Variants in GCKR observed in about 807,000 individuals in gnomAD.
GCKR encodes glucokinase regulatory protein.
Under a neutral mutation model 82.9 loss-of-function variants are expected in GCKR, and 73 were observed. That is an observed-to-expected ratio of 0.88 (90% CI 0.73 to 1.07). The LOEUF (loss-of-function observed/expected upper bound fraction) is 1.07, where lower values mean the gene tolerates loss of function less well. GCKR is among the 50% of genes least tolerant of loss of function. The pLI is 0.00. For missense variants in GCKR, 784 were observed against 782.1 expected (o/e 1.00, Z -0.03); for synonymous variants, 294 against 291.8 (o/e 1.01, Z -0.08).
intron 16 of GCKR, among the ~76,000 whole-genome samples, chr2:27,511,062 C>G (rs1298744037): frequency 6.6e-6 from 1 of 152,078 alleles, no homozygotes; most frequent in African/African-American, 2.4e-5. Flanking sequence ...GAGTCTCGCT[C>G]TGTGGCCCAG....
chr2:27,505,981 T>C lies in GCKR; in HGVS notation c.869+145T>C, dbSNP rs950326416. On this transcript the variant is annotated intron_variant, in intron 10 of 18. Transcript: ENST00000264717. ...CGCCTCCCCTGGGAAGGGAGCTGGG[T>C]AGTACATGCTGTTGCTCCCACCTCA... 17 of 733,212 alleles carry C rather than the reference T, an allele frequency of 2.3e-5. No individual in the cohort carries two copies. In the East Asian group the frequency reaches 3.8e-4, roughly 16 times the overall value. 45.4% of individuals were successfully genotyped at this position (733,212 alleles called of 1,614,324 possible).
intron 9 of GCKR, among the ~76,000 whole-genome samples, 187 bp downstream of exon 9, chr2:27,503,806 G>C (rs1285793672): frequency 6.6e-6 from 1 of 152,058 alleles, no homozygotes; most frequent in African/African-American, 2.4e-5. Flanking sequence ...AAGATATTTC[G>C]TCTTCATTCC....
intron 10 of GCKR, 121 bp downstream of exon 10, chr2:27,505,957 G>C (rs765705352): frequency 1.1e-5 from 8 of 752,554 alleles, no homozygotes; most frequent in Non-Finnish European, 2.0e-5. Flanking sequence ...AGCCCACCAC[G>C]CCTCCCCTGG....
intron 18 of GCKR, among the ~76,000 whole-genome samples, chr2:27,522,925 T>C (rs1434513780): frequency 6.6e-6 from 1 of 151,228 alleles, no homozygotes; most frequent in East Asian, 1.9e-4. Flanking sequence ...AGAGAGAGTC[T>C]TGCTCTGTCA....
rs755995385 is a variant in GCKR at position 27,497,554 on chromosome 2, C to T, written c.217-8C>T. 1.0e-4 allele frequency: 165 copies of T among 1,608,606 alleles called. 1 individual carries two copies. In the East Asian group the frequency reaches 2.3e-3, roughly 22 times the overall value. ...TCTTGGCTTCTCATTCCTGCATATT[C>T]CCTACAGAGACTCTACAGCGAATCC... On this transcript the variant is annotated splice_region_variant and splice_polypyrimidine_tract_variant and intron_variant, in intron 2 of 18. Coordinates refer to ENST00000264717, the MANE Select transcript of GCKR (RefSeq NM_001486.4).
intron 17 of GCKR, among the ~76,000 whole-genome samples, chr2:27,520,598 T>C (rs922633072): frequency 1.3e-5 from 2 of 152,276 alleles, no homozygotes; most frequent in Admixed American, 6.5e-5. Context: ...TATTGAGCAC[T>C]TGAAATGTGG....
chr2:27,507,804 G>A, intron 14 of GCKR, 27 bp downstream of exon 14: 1 of 1,333,506 alleles, frequency 7.5e-7, no homozygotes, highest in Non-Finnish European at 1.1e-6. Context: ...GAGTGGTGAG[G>A]GGTGGGGAGG....
chr2:27,508,665 A>G (rs1301846975), intron 16 of GCKR, among the ~76,000 whole-genome samples: 1 of 152,148 alleles, frequency 6.6e-6, no homozygotes, highest in Non-Finnish European at 1.5e-5. Context: ...GGTGTGCACC[A>G]CCATGCCCGG....
chr2:27,506,498 T>G lies in GCKR; in HGVS notation c.887T>G (p.Leu296Trp), dbSNP rs145352026. The G allele has an allele frequency of 4.2e-5, 68 of 1,613,574 alleles. No homozygotes were observed. The highest frequency in any genetic ancestry group is 5.8e-5 in the Non-Finnish European group (68 of 1,179,626). Reference protein sequence around the residue: ...AASQRCLLEILRTFERAHQVT... With the variant: ...AASQRCLLEIWRTFERAHQVT... ...TCTCCCAGATGCCTCCTGGAAATCT[T>G]GCGGACATTTGAGCGAGCTCATCAG... is the stretch of plus-strand genomic sequence containing the variant. Residue 296 changes from leucine to tryptophan, a missense_variant, in exon 11 of 19, where the codon TTG (leucine) becomes TGG (tryptophan). Leu to Trp is a moderately conservative substitution (Grantham distance 61). Transcript: ENST00000264717.
intron 8 of GCKR, among the ~76,000 whole-genome samples, chr2:27,501,486 C>T (rs1669576384): frequency 6.6e-6 from 1 of 152,282 alleles, no homozygotes; most frequent in Non-Finnish European, 1.5e-5. Flanking sequence ...ACATTCAAAA[C>T]AGGGATTGAA....
chr2:27,498,404 G>C, intron 4 of GCKR, 81 bp downstream of exon 4: 1 of 1,099,880 alleles, frequency 9.1e-7, no homozygotes, highest in South Asian at 1.3e-5. Flanking sequence ...TCATAACTAA[G>C]CTCCCAGGTG....
intron 16 of GCKR, among the ~76,000 whole-genome samples, chr2:27,508,547 G>A (rs748484388): frequency 2.0e-5 from 3 of 152,180 alleles, no homozygotes; most frequent in Non-Finnish European, 4.4e-5. Context: ...TTGAGACAGA[G>A]TCTCACTCTG....
chr2:27,519,473 A>T (rs1234362666), intron 17 of GCKR, among the ~76,000 whole-genome samples: 1 of 151,784 alleles, frequency 6.6e-6, no homozygotes, highest in Non-Finnish European at 1.5e-5. Context: ...AGCTAATTTT[A>T]TATTTTTTAG....
chr2:27,505,125 CAA>C lies in GCKR; in HGVS notation c.751-572_751-571del, dbSNP rs146563052. ...TGGGTGGCAGAGTGAGACTCCATCTCAAAAAAAAAAAAAAAAAAAAAAGCACT... is the reference window on the plus strand; with the variant it reads ...TGGGTGGCAGAGTGAGACTCCATCTCAAAAAAAAAAAAAAAAAAAAGCACT... On this transcript the variant is annotated intron_variant, in intron 9 of 18. Transcript: ENST00000264717. Among the ~76,000 whole-genome samples, 9 of 25,436 alleles carry C rather than the reference CAA, an allele frequency of 3.5e-4. No individual in the cohort carries two copies. The South Asian group carries it at 6.9e-3, about 19-fold the overall frequency. 16.7% of individuals were successfully genotyped at this position (25,436 alleles called of 152,430 possible).
intron 9 of GCKR, among the ~76,000 whole-genome samples, chr2:27,504,954 C>T (rs1208676472): frequency 2.0e-5 from 3 of 151,568 alleles, no homozygotes; most frequent in Non-Finnish European, 2.9e-5. Context: ...GGTGAAACCA[C>T]GTCTCTACCA....
intron 10 of GCKR, among the ~76,000 whole-genome samples, chr2:27,506,192 G>A (rs1033078531): frequency 6.6e-6 from 1 of 152,130 alleles, no homozygotes; most frequent in Non-Finnish European, 1.5e-5. Flanking sequence ...AGGGTCTCTA[G>A]CCTCACTCCT....
chr2:27,519,005 T>C, intron 17 of GCKR, 68 bp downstream of exon 17: 1 of 1,411,862 alleles, frequency 7.1e-7, no homozygotes, highest in Non-Finnish European at 1.0e-6. Context: ...GAGGAGGGCA[T>C]TTTGTAGAGA....
chr2:27,499,240 C>T (rs1465133145), intron 6 of GCKR, 32 bp downstream of exon 6: 8 of 1,510,494 alleles, frequency 5.3e-6, no homozygotes, highest in South Asian at 2.2e-5. Flanking sequence ...TGACCAGAGA[C>T]CTCTATCTGT....
In GCKR at chr2:27,522,485, G is replaced by A. The variant is rs943402181; in HGVS notation, c.1598G>A (p.Arg533Gln). ...CGGTTCTCTGGACAGTCCAAGGCTC[G>A]ATGCATCGAGAGCCTCCTCCGAGCG... ...LQRFSGQSKA[R>Q]CIESLLRAIH... Residue 533 changes from arginine to glutamine, a missense_variant, in exon 18 of 19, where the codon CGA (arginine) becomes CAA (glutamine). Physicochemically the swap from Arg to Gln is conservative, Grantham distance 43. Transcript: ENST00000264717. 4 of 1,613,692 alleles carry A rather than the reference G, an allele frequency of 2.5e-6. No homozygotes were observed. The highest frequency in any genetic ancestry group is 1.1e-5 in the South Asian group (1 of 91,056).
Sources: allele counts gnomAD v4.1 joint callset (sites outside exome capture counted in the v4.1 genomes callset), GRCh38; gene constraint gnomAD v4.1.1; transcripts MANE v1.5; gene names NCBI Gene and HGNC (gene_info 2026-07-23, HGNC 2026-07-21).